KCNIP4: variants seen among roughly 807,000 people sequenced by gnomAD.
The protein encoded by KCNIP4 is Kv channel-interacting protein 4.
Under a neutral mutation model 34.0 loss-of-function variants are expected in KCNIP4, and 12 were observed. That is an observed-to-expected ratio of 0.35 (90% CI 0.23 to 0.57). The LOEUF is 0.57. KCNIP4 is among the 20% of genes least tolerant of loss of function. KCNIP4 has a pLI of 0.83. For missense variants in KCNIP4, 238 were observed against 311.7 expected (o/e 0.76, Z 1.78); for synonymous variants, 124 against 102.2 (o/e 1.21, Z -1.29).
chr4:21,388,083 G>A (rs946624281), intron 1 of KCNIP4, among the ~76,000 whole-genome samples: 1 of 45,606 alleles, frequency 2.2e-5, no homozygotes, highest in Non-Finnish European at 5.7e-5. Context: ...CCTGAGAATA[G>A]GCTCCTGAGA....
intron 1 of KCNIP4, among the ~76,000 whole-genome samples, chr4:21,552,499 G>A (rs1329887791): frequency 6.6e-6 from 1 of 152,132 alleles, no homozygotes; most frequent in Admixed American, 6.6e-5. Context: ...AATATAGAGT[G>A]CAAAGAGCAC....
intron 1 of KCNIP4, among the ~76,000 whole-genome samples, chr4:21,912,544 A>G (rs908807333): frequency 2.0e-5 from 3 of 152,178 alleles, no homozygotes; most frequent in Non-Finnish European, 4.4e-5. Context: ...ATGTGGATAA[A>G]GAAATACAAT....
chr4:21,917,647 T>C (rs1048838598), intron 1 of KCNIP4, among the ~76,000 whole-genome samples: 1 of 152,198 alleles, frequency 6.6e-6, no homozygotes, highest in Non-Finnish European at 1.5e-5. Flanking sequence ...TGTCATTCTA[T>C]GCAAAATTTC....
chr4:21,614,054 G>T (rs932130354), intron 1 of KCNIP4, among the ~76,000 whole-genome samples: 12 of 151,738 alleles, frequency 7.9e-5, no homozygotes, highest in African/African-American at 1.5e-4. Flanking sequence ...GGAGACTGAG[G>T]CAAAAGCTTA....
In KCNIP4 at chr4:21,068,925, A is replaced by G. The variant is rs113072179; in HGVS notation, c.62-186216T>C. On this transcript the variant is annotated intron_variant, in intron 1 of 8. Coordinates refer to ENST00000382152, the MANE Select transcript of KCNIP4 (RefSeq NM_025221.6). ...TAGATGTGTTATTGTATATGAAGCTATTAAGATCAAAGAGTTTGAGCCTGG... is the reference window on the plus strand; with the variant it reads ...TAGATGTGTTATTGTATATGAAGCTGTTAAGATCAAAGAGTTTGAGCCTGG... Among the ~76,000 whole-genome samples the G allele has an allele frequency of 4.3e-3, 650 of 152,320 alleles. 4 individuals carry two copies. The highest frequency in any genetic ancestry group is 0.015 in the African/African-American group (620 of 41,582).
intron 1 of KCNIP4, among the ~76,000 whole-genome samples, chr4:21,640,727 C>T (rs1010322842): frequency 2.6e-5 from 4 of 152,096 alleles, no homozygotes; most frequent in Non-Finnish European, 5.9e-5. Flanking sequence ...TGGTTTGCTA[C>T]CCCAGCCTAG....
intron 1 of KCNIP4, among the ~76,000 whole-genome samples, chr4:21,380,473 G>C (rs1247379820): frequency 6.6e-6 from 1 of 150,710 alleles, no homozygotes; most frequent in Non-Finnish European, 1.5e-5. Context: ...GAGAGAGAGA[G>C]AGGGAGAGAG....
intron 1 of KCNIP4, among the ~76,000 whole-genome samples, chr4:21,470,267 C>T (rs1318575196): frequency 1.3e-5 from 2 of 151,954 alleles, no homozygotes; most frequent in Non-Finnish European, 2.9e-5. Flanking sequence ...GGGAGATTAG[C>T]TCCTTTCTGT....
intron 1 of KCNIP4, among the ~76,000 whole-genome samples, chr4:21,897,454 T>C (rs1428833032): frequency 6.6e-6 from 1 of 152,166 alleles, no homozygotes; most frequent in East Asian, 1.9e-4. Context: ...GTAAATAGAT[T>C]TATGTAACAC....
intron 1 of KCNIP4, among the ~76,000 whole-genome samples, chr4:21,572,162 A>G (rs1740412021): frequency 6.6e-6 from 1 of 152,214 alleles, no homozygotes; most frequent in African/African-American, 2.4e-5. Context: ...ATATCTGTAC[A>G]CAGAAGTACA....
chr4:21,517,339 C>A (rs1213973270), intron 1 of KCNIP4, among the ~76,000 whole-genome samples: 1 of 152,070 alleles, frequency 6.6e-6, no homozygotes, highest in Non-Finnish European at 1.5e-5. Flanking sequence ...ACCAGAGGAG[C>A]CCAGTCATAA....
chr4:20,791,341 T>C (rs2149404308), intron 3 of KCNIP4, among the ~76,000 whole-genome samples: 1 of 151,830 alleles, frequency 6.6e-6, no homozygotes, highest in African/African-American at 2.4e-5. Context: ...AGAAGCCTAG[T>C]TCTACACAAA....
intron 3 of KCNIP4, among the ~76,000 whole-genome samples, chr4:20,820,982 T>C (rs1017389669): frequency 1.3e-5 from 2 of 152,052 alleles, no homozygotes; most frequent in African/African-American, 4.8e-5. Flanking sequence ...TCCACCTAGG[T>C]TTCAAAGGAT....
intron 1 of KCNIP4, among the ~76,000 whole-genome samples, chr4:21,928,511 C>T (rs934306229): frequency 2.0e-5 from 3 of 152,066 alleles, no homozygotes; most frequent in African/African-American, 7.2e-5. Context: ...GAGTAAATCA[C>T]CTTTTCACCT....
chr4:20,938,156 C>T (rs4697198), intron 1 of KCNIP4, among the ~76,000 whole-genome samples: 97,522 of 151,384 alleles, frequency 0.64, 32,025 homozygotes, highest in East Asian at 0.77. Flanking sequence ...GATGTGCTTA[C>T]GTTGAATCTT....
At chr4:20,999,427 GTTTGTTTTTTGTTTTTTT>G (rs927348068) in intron 1 of KCNIP4, among the ~76,000 whole-genome samples, 6 of 27,728 alleles carry the variant, frequency 2.2e-4, no homozygotes, top group East Asian at 1.2e-3. Flanking sequence ...TTTTTTTTTT[GTTTGTTTTTTGTTTTTTT>G]TTTTTTTTTT....
chr4:21,894,754 G>A (rs950624278), intron 1 of KCNIP4, among the ~76,000 whole-genome samples: 1 of 152,142 alleles, frequency 6.6e-6, no homozygotes, highest in African/African-American at 2.4e-5. Flanking sequence ...AACAGAAGTT[G>A]GTTTTTTTCC....
intron 1 of KCNIP4, among the ~76,000 whole-genome samples, chr4:21,068,181 T>C (rs1744576671): frequency 6.6e-6 from 1 of 152,122 alleles, no homozygotes; most frequent in Admixed American, 6.5e-5. Flanking sequence ...GCTTCCTGTT[T>C]TCTGTACCCA....
At chr4:21,391,813 A>G (rs955230507) in intron 1 of KCNIP4, among the ~76,000 whole-genome samples, 2 of 152,132 alleles carry the variant, frequency 1.3e-5, no homozygotes, top group African/African-American at 4.8e-5. Context: ...TCTTCAGCAC[A>G]CATACTGTTC....
Sources: gnomAD v4.1 joint callset for allele counts (sites outside exome capture counted in the v4.1 genomes callset) on GRCh38, gnomAD v4.1.1 for gene constraint, MANE v1.5 for transcripts, NCBI Gene and HGNC (gene_info 2026-07-23, HGNC 2026-07-21) for gene names.